The following CNTNAP2 variants were observed in gnomAD, a reference collection of about 807,000 sequenced individuals.
The protein encoded by CNTNAP2 is contactin-associated protein-like 2.
A neutral mutation model predicts 155.2 loss-of-function variants in CNTNAP2; 98 were observed. The observed-to-expected ratio is 0.63, with a 90% CI of 0.54 to 0.75. The LOEUF (loss-of-function observed/expected upper bound fraction) is 0.75. Ranked by LOEUF, CNTNAP2 falls within the 30% of genes least tolerant of loss-of-function variation. CNTNAP2 has a pLI of 0.00. For synonymous variants in CNTNAP2, 651 were observed against 631.2 expected, an observed-to-expected ratio of 1.03 and a Z score of -0.47; for missense variants, 1,727 against 1,688.1, an observed-to-expected ratio of 1.02 and a Z score of -0.40.
chr7:146,303,319 G>A (rs1800647611), intron 1 of CNTNAP2, among the ~76,000 whole-genome samples: 1 of 151,868 alleles, frequency 6.6e-6, no homozygotes, highest in African/African-American at 2.4e-5. Context: ...TCAATTATAA[G>A]CAATTTGCCA....
At chr7:147,313,141 C>A (rs868612720) in intron 9 of CNTNAP2, among the ~76,000 whole-genome samples, 1 of 147,072 alleles carries the variant, frequency 6.8e-6, no homozygotes, top group African/African-American at 2.6e-5. Context: ...TGTTTGAGTT[C>A]ATTGTAGATT....
intron 1 of CNTNAP2, among the ~76,000 whole-genome samples, chr7:146,275,777 G>A (rs973702285): frequency 2.6e-5 from 4 of 152,158 alleles, no homozygotes; most frequent in Admixed American, 2.0e-4. Context: ...TATGATTCTC[G>A]TTTATAGAAC....
At chr7:147,442,620 C>T (rs1797662032) in intron 10 of CNTNAP2, among the ~76,000 whole-genome samples, 1 of 152,166 alleles carries the variant, frequency 6.6e-6, no homozygotes, top group Non-Finnish European at 1.5e-5. Flanking sequence ...CTGAGTCTCA[C>T]CTGAAGCCAG....
At chr7:146,173,638 A>ATTT (rs200488016) in intron 1 of CNTNAP2, among the ~76,000 whole-genome samples, 1 of 152,130 alleles carries the variant, frequency 6.6e-6, no homozygotes, top group Non-Finnish European at 1.5e-5. Flanking sequence ...GTTATAACTT[A>ATTT]TTTTTTGTAA....
intron 9 of CNTNAP2, among the ~76,000 whole-genome samples, chr7:147,313,290 G>T (rs1473840989): frequency 6.6e-6 from 1 of 151,468 alleles, no homozygotes; most frequent in African/African-American, 2.4e-5. Context: ...ATCAATTTTG[G>T]CTTTTGTTGC....
chr7:146,673,135 A>G (rs1800337978), intron 1 of CNTNAP2, among the ~76,000 whole-genome samples: 1 of 152,140 alleles, frequency 6.6e-6, no homozygotes, highest in Non-Finnish European at 1.5e-5. Context: ...TAGCTTTGAT[A>G]TTCAAATAAC....
At chr7:147,442,195 C>A (rs928724246) in intron 10 of CNTNAP2, among the ~76,000 whole-genome samples, 24 of 152,150 alleles carry the variant, frequency 1.6e-4, no homozygotes, top group African/African-American at 4.8e-5. Context: ...TTTTGTCCTG[C>A]AGCTGAGCTG....
chr7:146,810,381 T>C (rs535210615), intron 2 of CNTNAP2, among the ~76,000 whole-genome samples: 1 of 151,932 alleles, frequency 6.6e-6, no homozygotes, highest in Admixed American at 6.6e-5. Flanking sequence ...CCTTATAGTT[T>C]TTAGTGTATG....
intron 3 of CNTNAP2, among the ~76,000 whole-genome samples, chr7:146,998,025 G>C (rs906740306): frequency 6.6e-6 from 1 of 151,722 alleles, no homozygotes; most frequent in Non-Finnish European, 1.5e-5. Context: ...GGCTTTTGTA[G>C]TCTGTATTTT....
chr7:147,328,869 T>C (rs892657434), intron 9 of CNTNAP2, among the ~76,000 whole-genome samples: 2 of 152,274 alleles, frequency 1.3e-5, no homozygotes, highest in East Asian at 1.9e-4. Flanking sequence ...TACCATGATT[T>C]TTCAGCAAGG....
chr7:147,267,539 T>C (rs1047631446), intron 8 of CNTNAP2, among the ~76,000 whole-genome samples: 2 of 136,094 alleles, frequency 1.5e-5, no homozygotes, highest in Admixed American at 1.6e-4. Context: ...TTTCCTATTA[T>C]GCCAACCAAG....
At chr7:146,955,201 G>T (rs1162543445) in intron 3 of CNTNAP2, among the ~76,000 whole-genome samples, 2 of 151,918 alleles carry the variant, frequency 1.3e-5, no homozygotes, top group Non-Finnish European at 2.9e-5. Context: ...ACCTCTGCCT[G>T]ATGCACCTCT....
intron 4 of CNTNAP2, among the ~76,000 whole-genome samples, chr7:147,086,069 C>T (rs1233066072): frequency 6.6e-6 from 1 of 152,126 alleles, no homozygotes; most frequent in African/African-American, 2.4e-5. Context: ...CCGCAGCTTC[C>T]AAGAGAACTT....
At chr7:147,325,144 C>A (rs183194303) in intron 9 of CNTNAP2, among the ~76,000 whole-genome samples, 5,367 of 151,976 alleles carry the variant, frequency 0.035, 321 homozygotes, top group African/African-American at 0.12. Context: ...ACTAAAAATA[C>A]AAAAAATTAG....
At position 148,228,307 on chromosome 7, in the gene CNTNAP2, T is replaced by C. The variant is rs368448884; in HGVS notation, c.3248-1339T>C. On this transcript the variant is annotated intron_variant, in intron 19 of 23. Transcript: ENST00000361727. ...GATTAACTAAAAGCAGGATCTACAT[T>C]GTCATATTAGTTATTTTCAATATTG... is the stretch of plus-strand genomic sequence containing the variant. Among the ~76,000 whole-genome samples the C allele has an allele frequency of 5.9e-5, 9 of 152,258 alleles. No individual in the cohort carries two copies. The East Asian group carries it at 1.2e-3, about 20-fold the overall frequency.
intron 9 of CNTNAP2, among the ~76,000 whole-genome samples, chr7:147,304,633 G>A (rs899551779): frequency 2.6e-5 from 4 of 152,154 alleles, no homozygotes; most frequent in Non-Finnish European, 4.4e-5. Flanking sequence ...GTCTTAGGAA[G>A]GTACCAAAGC....
At chr7:146,173,332 G>C (rs1023455525) in intron 1 of CNTNAP2, among the ~76,000 whole-genome samples, 11 of 151,956 alleles carry the variant, frequency 7.2e-5, no homozygotes, top group Non-Finnish European at 1.5e-4. Flanking sequence ...TATGTATCTT[G>C]TTTTAATTTT....
chr7:146,300,303 G>GA (rs1195560772), intron 1 of CNTNAP2, among the ~76,000 whole-genome samples: 1 of 152,130 alleles, frequency 6.6e-6, no homozygotes, highest in Non-Finnish European at 1.5e-5. Context: ...AGTATAAAAA[G>GA]ATCTAAGGAT....
chr7:148,058,265 G>T (rs1486940733), intron 15 of CNTNAP2, among the ~76,000 whole-genome samples: 4 of 152,046 alleles, frequency 2.6e-5, no homozygotes, highest in African/African-American at 9.7e-5. Context: ...AGCTCTCAAA[G>T]CTCAGACTCT....
Sources: allele counts gnomAD v4.1 joint callset (sites outside exome capture counted in the v4.1 genomes callset), GRCh38; gene constraint gnomAD v4.1.1; transcripts MANE v1.5; gene names NCBI Gene and HGNC (gene_info 2026-07-23, HGNC 2026-07-21).